The following CERK variants were observed in gnomAD, a reference collection of about 807,000 sequenced individuals.
CERK encodes the protein ceramide kinase.
CERK carries 39 observed loss-of-function variants against 63.4 expected under a neutral mutation model. That is an observed-to-expected ratio of 0.61 (90% CI 0.48 to 0.80). CERK has a LOEUF of 0.80. Ranked by LOEUF, CERK falls within the 30% of genes least tolerant of loss-of-function variation. The pLI is 0.00. For synonymous variants in CERK, 302 were observed against 280.0 expected (o/e 1.08, Z -0.78); for missense variants, 670 against 714.1 (o/e 0.94, Z 0.70).
intron 1 of CERK, among the ~76,000 whole-genome samples, chr22:46,726,634 T>A (rs902693390): frequency 2.6e-5 from 4 of 152,194 alleles, no homozygotes; most frequent in African/African-American, 9.7e-5. Context: ...TGTGTGAACA[T>A]CTGATCTTCA....
chr22:46,731,765 G>C (rs2082946491), intron 1 of CERK, among the ~76,000 whole-genome samples: 2 of 152,202 alleles, frequency 1.3e-5, no homozygotes, highest in Non-Finnish European at 2.9e-5. Flanking sequence ...GGGAGGTCAG[G>C]AATGCAAGCC....
intron 7 of CERK, among the ~76,000 whole-genome samples, chr22:46,701,214 G>A (rs768168695): frequency 3.3e-5 from 5 of 152,158 alleles, no homozygotes; most frequent in African/African-American, 4.8e-5. Context: ...CTGAAGCCTC[G>A]AGGCCTCACA....
At chr22:46,691,320 G>A (rs2082730432) in intron 11 of CERK, among the ~76,000 whole-genome samples, 1 of 152,154 alleles carries the variant, frequency 6.6e-6, no homozygotes, top group Non-Finnish European at 1.5e-5. Flanking sequence ...TGATCCGCCT[G>A]CCTCAGCCTC....
intron 1 of CERK, among the ~76,000 whole-genome samples, chr22:46,731,061 C>A (rs2082942958): frequency 6.6e-6 from 1 of 152,288 alleles, no homozygotes; most frequent in African/African-American, 2.4e-5. Flanking sequence ...CACCCCACAA[C>A]CTCTGCCAGG....
chr22:46,727,125 T>A lies in CERK; in HGVS notation c.143-6110A>T, dbSNP rs551113263. ...CCCAGTGAGGCTGAGCCGTGGTTTTTCTGACCGCACGGATGATGAAGAAAA... is the reference window on the plus strand; with the variant it reads ...CCCAGTGAGGCTGAGCCGTGGTTTTACTGACCGCACGGATGATGAAGAAAA... On this transcript the variant is annotated intron_variant, in intron 1 of 12. Transcript: ENST00000216264. Among the ~76,000 whole-genome samples the A allele has an allele frequency of 3.5e-4, 53 of 152,346 alleles. No homozygotes were observed. In the South Asian group the frequency reaches 7.7e-3, roughly 22 times the overall value.
chr22:46,721,976 G>A (rs1030434799), intron 1 of CERK, among the ~76,000 whole-genome samples: 16 of 152,298 alleles, frequency 1.1e-4, no homozygotes, highest in Admixed American at 2.0e-4. Flanking sequence ...GGGAGGTGAC[G>A]GGTAACTGAA....
chr22:46,688,466 C>T (rs73471148), intron 12 of CERK, among the ~76,000 whole-genome samples: 1 of 152,204 alleles, frequency 6.6e-6, no homozygotes, highest in Non-Finnish European at 1.5e-5. Context: ...CTGGGGTGGC[C>T]GGTGTTCCTG....
chr22:46,701,266 C>T (rs963114454), intron 7 of CERK, among the ~76,000 whole-genome samples: 3 of 152,238 alleles, frequency 2.0e-5, no homozygotes, highest in Admixed American at 6.5e-5. Flanking sequence ...CACAGCTGCC[C>T]GTGCCCACTG....
chr22:46,726,667 T>A (rs1446604108), intron 1 of CERK, among the ~76,000 whole-genome samples: 1 of 152,166 alleles, frequency 6.6e-6, no homozygotes, highest in Admixed American at 6.5e-5. Context: ...GGTGAGTGCT[T>A]GCCTATGCCA....
chr22:46,711,249 C>G (rs1267206346), intron 4 of CERK, 100 bp from the exon 5 acceptor site: 2 of 855,492 alleles, frequency 2.3e-6, no homozygotes, highest in African/African-American at 3.3e-5. Flanking sequence ...CCTGTAACAC[C>G]TTCAGGCGGA....
At chr22:46,720,858 T>C (rs762841894) in intron 2 of CERK, 44 bp downstream of exon 2, 30 of 1,202,540 alleles carry the variant, frequency 2.5e-5, no homozygotes, top group Non-Finnish European at 3.5e-5. Flanking sequence ...GTAATCTACA[T>C]AGAATTAATG....
In CERK at chr22:46,690,175, TA is replaced by T; in HGVS notation, c.1357del (p.Tyr453IlefsTer98). ...CGTAAACTGGAATTTCTTGACGCGATAAACTTCAACAAAAGTGAAGTCAAAC... is the reference window on the plus strand; with the variant it reads ...CGTAAACTGGAATTTCTTGACGCGATAACTTCAACAAAAGTGAAGTCAAAC... Reference protein sequence around the residue: ...DQFDFTFVEVYRVKKFQFTSK... With the variant: ...DQFDFTFVEVXRVKKFQFTSK... On this transcript the variant is annotated frameshift_variant, in exon 12 of 13. Transcript: ENST00000216264. LOFTEE classifies it high-confidence loss of function. The T allele has an allele frequency of 6.2e-7, 1 of 1,613,884 alleles. No homozygotes were observed. Among genetic ancestry groups the T allele is most frequent in the Admixed American group, 1.7e-5 (1 of 59,998 alleles).
chr22:46,701,615 A>C, intron 7 of CERK, 21 bp downstream of exon 7: 1 of 1,549,460 alleles, frequency 6.5e-7, no homozygotes, highest in Non-Finnish European at 8.7e-7. Flanking sequence ...CACCGTGCGC[A>C]TGCGCAGAGG....
chr22:46,725,095 T>G (rs2082911840), intron 1 of CERK, among the ~76,000 whole-genome samples: 1 of 151,792 alleles, frequency 6.6e-6, no homozygotes, highest in African/African-American at 2.4e-5. Context: ...CCATTGTCCC[T>G]GTGTTAAGCT....
At chr22:46,732,095 T>C (rs1024833311) in intron 1 of CERK, among the ~76,000 whole-genome samples, 14 of 151,872 alleles carry the variant, frequency 9.2e-5, no homozygotes, top group African/African-American at 2.9e-4. Context: ...AGAGAAGAGG[T>C]ATGGGATCCG....
intron 1 of CERK, among the ~76,000 whole-genome samples, chr22:46,725,281 AGCTCCCTGCGGGG>A (rs574833735): frequency 5.9e-4 from 89 of 152,074 alleles, no homozygotes; most frequent in Non-Finnish European, 1.1e-3. Flanking sequence ...AACGGAGAGC[AGCTCCCTGCGGGG>A]GCTCAGGAAA....
intron 1 of CERK, among the ~76,000 whole-genome samples, chr22:46,722,556 CTTT>C (rs556829995): frequency 0.024 from 3,005 of 125,496 alleles, 38 homozygotes; most frequent in Non-Finnish European, 0.034. Flanking sequence ...GGCCTCCCAT[CTTT>C]TTTTTTTTTT....
intron 1 of CERK, among the ~76,000 whole-genome samples, chr22:46,737,022 G>C (rs950459123): frequency 6.6e-6 from 1 of 152,172 alleles, no homozygotes. Flanking sequence ...GGCTGGGTGC[G>C]GTTGCTCACA....
At chr22:46,713,996 T>C (rs1300052039) in intron 3 of CERK, among the ~76,000 whole-genome samples, 1 of 151,996 alleles carries the variant, frequency 6.6e-6, no homozygotes, top group Non-Finnish European at 1.5e-5. Context: ...CAGGCCAGGC[T>C]CAGTGGCTCA....
Sources: allele counts gnomAD v4.1 joint callset (sites outside exome capture counted in the v4.1 genomes callset), GRCh38; gene constraint gnomAD v4.1.1; transcripts MANE v1.5; gene names NCBI Gene and HGNC (gene_info 2026-07-23, HGNC 2026-07-21).